Variants in LRMDA observed in about 807,000 individuals in gnomAD.
The protein encoded by LRMDA is leucine rich melanocyte differentiation associated, also known as leucine-rich melanocyte differentiation-associated protein.
LRMDA carries 18 observed loss-of-function variants against 29.8 expected under a neutral mutation model. The observed-to-expected ratio is 0.60, with a 90% CI of 0.42 to 0.90. The LOEUF (loss-of-function observed/expected upper bound fraction) is 0.90, where lower values mean the gene tolerates loss of function less well. Ranked by LOEUF, LRMDA falls within the 40% of genes least tolerant of loss-of-function variation. The pLI is 0.00. For synonymous variants in LRMDA, 125 were observed against 109.4 expected (o/e 1.14, Z -0.89); for missense variants, 273 against 273.9 (o/e 1.00, Z 0.02).
At chr10:76,032,641 C>CTG (rs1385210576) in intron 2 of LRMDA, among the ~76,000 whole-genome samples, 1 of 152,162 alleles carries the variant, frequency 6.6e-6, no homozygotes, top group African/African-American at 2.4e-5. Flanking sequence ...AGGATGGTAC[C>CTG]TGTGTGTGAG....
intron 2 of LRMDA, among the ~76,000 whole-genome samples, chr10:75,588,961 T>C (rs1840688895): frequency 1.3e-5 from 2 of 152,306 alleles, no homozygotes; most frequent in African/African-American, 4.8e-5. Flanking sequence ...TTTATAGGTA[T>C]ATAGTGTTAC....
chr10:75,737,264 G>A (rs1323286517), intron 2 of LRMDA, among the ~76,000 whole-genome samples: 1 of 152,194 alleles, frequency 6.6e-6, no homozygotes, highest in East Asian at 1.9e-4. Context: ...TAATCAACCA[G>A]GATGGCAAAA....
intron 2 of LRMDA, among the ~76,000 whole-genome samples, chr10:75,449,151 CA>C (rs779723533): frequency 0.033 from 1,651 of 50,276 alleles, 19 homozygotes; most frequent in African/African-American, 0.099. Context: ...GACTCCATCT[CA>C]AAAAAAAAAA....
intron 2 of LRMDA, among the ~76,000 whole-genome samples, chr10:75,745,551 A>G (rs1322450155): frequency 6.6e-6 from 1 of 152,246 alleles, no homozygotes; most frequent in Non-Finnish European, 1.5e-5. Flanking sequence ...CAAAGATAGT[A>G]CAGAGCATTC....
At chr10:75,537,077 A>C (rs936385367) in intron 2 of LRMDA, among the ~76,000 whole-genome samples, 2 of 152,194 alleles carry the variant, frequency 1.3e-5, no homozygotes, top group Non-Finnish European at 2.9e-5. Context: ...GTTCCGGTCA[A>C]GAGTGAACTT....
chr10:75,813,647 G>T (rs1480031171), intron 2 of LRMDA, among the ~76,000 whole-genome samples: 3 of 152,128 alleles, frequency 2.0e-5, no homozygotes, highest in Admixed American at 6.5e-5. Flanking sequence ...AGTGATATTT[G>T]CCAGAAAATA....
At chr10:76,220,808 G>T (rs1326181812) in intron 5 of LRMDA, among the ~76,000 whole-genome samples, 2 of 152,086 alleles carry the variant, frequency 1.3e-5, no homozygotes, top group Non-Finnish European at 2.9e-5. Flanking sequence ...GCCGAGCAGA[G>T]ACACAACCAA....
chr10:75,594,332 G>A (rs774072051), intron 2 of LRMDA, among the ~76,000 whole-genome samples: 6 of 152,200 alleles, frequency 3.9e-5, no homozygotes, highest in African/African-American at 1.4e-4. Context: ...TCTGAAGCCT[G>A]TCAGCCTCTG....
intron 2 of LRMDA, among the ~76,000 whole-genome samples, chr10:75,623,309 T>C (rs536261017): frequency 6.6e-6 from 1 of 152,292 alleles, no homozygotes; most frequent in South Asian, 2.1e-4. Context: ...TCTGCTCCCC[T>C]CCCTTTCCTG....
chr10:75,976,612 A>G (rs1020821005), intron 2 of LRMDA, among the ~76,000 whole-genome samples: 4 of 152,234 alleles, frequency 2.6e-5, no homozygotes, highest in Non-Finnish European at 4.4e-5. Flanking sequence ...ACTAATAAGC[A>G]GTTAATATTT....
chr10:76,343,534 C>A (rs943795720), intron 6 of LRMDA, among the ~76,000 whole-genome samples: 1 of 151,886 alleles, frequency 6.6e-6, no homozygotes, highest in African/African-American at 2.4e-5. Flanking sequence ...TATATGGATG[C>A]CAAAAAGGCT....
At chr10:76,010,314 CTTT>C (rs71024580) in intron 2 of LRMDA, among the ~76,000 whole-genome samples, 6 of 138,852 alleles carry the variant, frequency 4.3e-5, no homozygotes, top group Non-Finnish European at 6.2e-5. Context: ...AATTTATATC[CTTT>C]TTTTTTTTTT....
intron 6 of LRMDA, among the ~76,000 whole-genome samples, chr10:76,419,464 CCA>C: frequency 6.6e-6 from 1 of 151,962 alleles, no homozygotes; most frequent in Non-Finnish European, 1.5e-5. Flanking sequence ...TCTGGATGTA[CCA>C]CAATATATTT....
At chr10:76,331,774 C>G (rs900196003) in intron 6 of LRMDA, among the ~76,000 whole-genome samples, 2 of 151,958 alleles carry the variant, frequency 1.3e-5, no homozygotes, top group African/African-American at 4.8e-5. Flanking sequence ...TCAACAGAAC[C>G]CATTACTTTA....
At chr10:75,728,314 T>C (rs1259686055) in intron 2 of LRMDA, among the ~76,000 whole-genome samples, 2 of 152,206 alleles carry the variant, frequency 1.3e-5, no homozygotes, top group Non-Finnish European at 2.9e-5. Flanking sequence ...GTGCATTATA[T>C]TGAAAAATGA....
chr10:75,499,169 C>T (rs1011957150), intron 2 of LRMDA, among the ~76,000 whole-genome samples: 7 of 152,166 alleles, frequency 4.6e-5, no homozygotes, highest in African/African-American at 9.6e-5. Flanking sequence ...GAGGTGCTGA[C>T]GCTTCTGTGT....
chr10:76,016,507 C>T (rs909920282), intron 2 of LRMDA, among the ~76,000 whole-genome samples: 1 of 152,190 alleles, frequency 6.6e-6, no homozygotes, highest in African/African-American at 2.4e-5. Context: ...CTGCTTTAAC[C>T]GAGTTTTCTG....
chr10:76,004,814 G>T (rs1425485237), intron 2 of LRMDA, among the ~76,000 whole-genome samples: 1 of 147,470 alleles, frequency 6.8e-6, no homozygotes, highest in Admixed American at 6.9e-5. Flanking sequence ...TGCAAGCTCC[G>T]CCTCCCAGGT....
intron 6 of LRMDA, among the ~76,000 whole-genome samples, chr10:76,465,537 G>GT (rs1842556123): frequency 6.6e-6 from 1 of 152,192 alleles, no homozygotes. Flanking sequence ...AAAGGAAAGT[G>GT]AAGGATGTGT....
Sources: gnomAD v4.1 joint callset for allele counts (sites outside exome capture counted in the v4.1 genomes callset) on GRCh38, gnomAD v4.1.1 for gene constraint, MANE v1.5 for transcripts, NCBI Gene and HGNC (gene_info 2026-07-23, HGNC 2026-07-21) for gene names.